OPCML: variants seen among roughly 807,000 people sequenced by gnomAD.
OPCML encodes the protein opioid-binding protein/cell adhesion molecule.
OPCML carries 13 observed loss-of-function variants against 37.8 expected under a neutral mutation model. The observed-to-expected ratio is 0.34, with a 90% confidence interval of 0.22 to 0.55. OPCML has a LOEUF of 0.55. OPCML is among the 20% of genes least tolerant of loss of function. The pLI is 0.91. For synonymous variants in OPCML, 176 were observed against 168.8 expected (o/e 1.04, Z -0.33); for missense variants, 341 against 435.6 (o/e 0.78, Z 1.93).
chr11:133,418,140 A>C, intron 1 of OPCML: 1 of 985,416 alleles, frequency 1.0e-6, no homozygotes, highest in Non-Finnish European at 1.2e-6. Flanking sequence ...AGACAGCAGG[A>C]AACAATCAAG....
At chr11:133,511,311 C>T (rs566477018) in intron 1 of OPCML, among the ~76,000 whole-genome samples, 1 of 152,294 alleles carries the variant, frequency 6.6e-6, no homozygotes, top group Non-Finnish European at 1.5e-5. Flanking sequence ...TCCTGCTACT[C>T]CTCTGCTAAA....
rs1941744662 is a variant in OPCML, at chr11:132,657,094, T to C, written c.372A>G (p.Ile124Met). Residue 124 changes from isoleucine to methionine, a missense_variant, in exon 3 of 8, where the codon ATA becomes ATG. By Grantham distance (10) the Ile-to-Met change is conservative. Transcript: ENST00000524381. Reference sequence around the variant, plus strand: ...GATCCAGCTGGGACTTACCTTGCACTATTAGGTGAACCCGGGACGTTTTGG... The same window carrying C: ...GATCCAGCTGGGACTTACCTTGCACCATTAGGTGAACCCGGGACGTTTTGG... The part of the protein sequence containing the change: ...NHPKTSRVHL[I>M]VQVPPQIMNI... 1 of 1,614,148 alleles carries C rather than the reference T, an allele frequency of 6.2e-7. No homozygotes were observed.
intron 1 of OPCML, among the ~76,000 whole-genome samples, chr11:133,073,789 T>A (rs1230784088): frequency 1.3e-5 from 2 of 152,252 alleles, no homozygotes; most frequent in Non-Finnish European, 2.9e-5. Flanking sequence ...AGTTACTATT[T>A]ATTGACCCAG....
chr11:133,336,719 C>A (rs929862256), intron 1 of OPCML, among the ~76,000 whole-genome samples: 3 of 152,212 alleles, frequency 2.0e-5, no homozygotes, highest in Non-Finnish European at 4.4e-5. Flanking sequence ...ATCAGAGGTT[C>A]TACTTTTAGT....
chr11:133,163,614 C>T (rs1950172555), intron 1 of OPCML, among the ~76,000 whole-genome samples: 1 of 152,212 alleles, frequency 6.6e-6, no homozygotes, highest in African/African-American at 2.4e-5. Context: ...AGCCTCTTCT[C>T]CGTCTTTCTG....
rs532650749 is a variant in OPCML at position 132,862,500 on chromosome 11, T to C, written c.146+80426A>G. ...TCTATACGAAAAAAAAAAAAAAAAC[T>C]CTGAGAGTACAAGAGGTGCACATGG... is the stretch of plus-strand genomic sequence containing the variant. On this transcript the variant is annotated intron_variant, in intron 2 of 7. Transcript: ENST00000524381. 9.7e-5 allele frequency among the ~76,000 whole-genome samples: 14 copies of C among 143,970 alleles called. No homozygotes were observed. The South Asian group carries it at 2.9e-3, about 30-fold the overall frequency. 94.4% of individuals were successfully genotyped at this position (143,970 alleles called of 152,430 possible). A position where few individuals can be genotyped will look rare whatever the true frequency, so the allele number is the denominator to read the frequency against.
At chr11:132,957,391 T>C (rs1056753883) in intron 1 of OPCML, among the ~76,000 whole-genome samples, 3 of 152,078 alleles carry the variant, frequency 2.0e-5, no homozygotes, top group Non-Finnish European at 4.4e-5. Flanking sequence ...GGTCTGACTG[T>C]CTCACATAAT....
chr11:133,336,339 A>G (rs578097396), intron 1 of OPCML, among the ~76,000 whole-genome samples: 1 of 152,224 alleles, frequency 6.6e-6, no homozygotes, highest in African/African-American at 2.4e-5. Context: ...TTTGGGTCTC[A>G]CAGAATTATA....
intron 2 of OPCML, among the ~76,000 whole-genome samples, chr11:132,778,733 C>T (rs1261043239): frequency 6.6e-6 from 1 of 152,060 alleles, no homozygotes; most frequent in Non-Finnish European, 1.5e-5. Context: ...TCCGCGAAGT[C>T]ATTTCACAAA....
chr11:133,008,438 G>A (rs1198814413), intron 1 of OPCML: 2 of 984,732 alleles, frequency 2.0e-6, no homozygotes, highest in African/African-American at 3.5e-5. Context: ...TTCTTTTTCT[G>A]ATTGTGGTAG....
chr11:133,219,100 G>T (rs1939706876), intron 1 of OPCML, among the ~76,000 whole-genome samples: 1 of 152,174 alleles, frequency 6.6e-6, no homozygotes, highest in South Asian at 2.1e-4. Flanking sequence ...TCATGGATGG[G>T]CTCTGGGCAG....
At chr11:133,153,044 C>G (rs933265200) in intron 1 of OPCML, among the ~76,000 whole-genome samples, 2 of 152,128 alleles carry the variant, frequency 1.3e-5, no homozygotes, top group Non-Finnish European at 2.9e-5. Flanking sequence ...TCCCTGCAGC[C>G]TGGACCCTGG....
chr11:133,008,835 A>G (rs1048878406), intron 1 of OPCML: 1 of 951,182 alleles, frequency 1.1e-6, no homozygotes, highest in Non-Finnish European at 1.3e-6. Flanking sequence ...CTTTCTGAAC[A>G]AAAGTCTCCA....
At position 133,168,360 on chromosome 11, in the gene OPCML, A is replaced by C. The variant is rs1342764564; in HGVS notation, c.62-225350T>G. ...GGGAAGAGAGCAGGTGGGTAAAAAG[A>C]GGAGTGGGGAAGGTGATTATGCCAA... On this transcript the variant is annotated intron_variant, in intron 1 of 7. Transcript: ENST00000524381. Among the ~76,000 whole-genome samples the C allele has an allele frequency of 2.0e-5, 3 of 152,244 alleles. No individual in the cohort carries two copies. In the East Asian group the frequency reaches 5.8e-4, roughly 29 times the overall value.
chr11:132,737,328 T>G (rs1945292323), intron 2 of OPCML, among the ~76,000 whole-genome samples: 1 of 152,202 alleles, frequency 6.6e-6, no homozygotes, highest in Non-Finnish European at 1.5e-5. Context: ...CCCAGAGTTT[T>G]TGTTGTTTTA....
chr11:132,795,193 T>C (rs1181947813), intron 2 of OPCML, among the ~76,000 whole-genome samples: 1 of 152,202 alleles, frequency 6.6e-6, no homozygotes, highest in African/African-American at 2.4e-5. Flanking sequence ...TTAGCTGTTG[T>C]ACATTTCATA....
chr11:133,099,163 CA>C (rs1479669770), intron 1 of OPCML, among the ~76,000 whole-genome samples: 2 of 151,892 alleles, frequency 1.3e-5, no homozygotes, highest in African/African-American at 2.4e-5. Context: ...AAGAAAACTA[CA>C]AAGATATCAA....
chr11:132,898,756 A>T lies in OPCML; in HGVS notation c.146+44170T>A, dbSNP rs933321880. Among the ~76,000 whole-genome samples the T allele has an allele frequency of 5.3e-5, 8 of 152,152 alleles. No individual in the cohort carries two copies. In the South Asian group the frequency reaches 1.7e-3, roughly 32 times the overall value. On this transcript the variant is annotated intron_variant, in intron 2 of 7. Transcript: ENST00000524381. ...TTTCCCATGATTTTATGCTCTGCTG[A>T]CCTAGAGGTCTTAGTTCCAGAGAGA...
intron 1 of OPCML, among the ~76,000 whole-genome samples, chr11:133,139,780 T>G (rs1949740903): frequency 6.6e-6 from 1 of 152,154 alleles, no homozygotes; most frequent in Non-Finnish European, 1.5e-5. Flanking sequence ...CCCATTCGGA[T>G]CAGTCATGAT....
Sources: gnomAD v4.1 joint callset for allele counts (sites outside exome capture counted in the v4.1 genomes callset) on GRCh38, gnomAD v4.1.1 for gene constraint, MANE v1.5 for transcripts, NCBI Gene and HGNC (gene_info 2026-07-23, HGNC 2026-07-21) for gene names.